The following ABCA13 variants were observed in gnomAD, a reference collection of about 807,000 sequenced individuals.
ABCA13 encodes ATP binding cassette subfamily A member 13, also known as ATP-binding cassette sub-family A member 13.
In ABCA13, 476 loss-of-function variants were observed where a neutral mutation model predicts 478.7. That is an observed-to-expected ratio of 0.99 (90% CI 0.92 to 1.07). The LOEUF (loss-of-function observed/expected upper bound fraction) is 1.07, where lower values mean the gene tolerates loss of function less well. ABCA13 is among the 50% of genes least tolerant of loss of function. The pLI is 0.00. For missense variants in ABCA13, 6,060 were observed against 5,910.6 expected, an observed-to-expected ratio of 1.03 and a Z score of -0.83; for synonymous variants, 2,252 against 2,158.9, an observed-to-expected ratio of 1.04 and a Z score of -1.20.
At chr7:48,493,324 T>C (rs1830004211) in intron 48 of ABCA13, among the ~76,000 whole-genome samples, 1 of 152,186 alleles carries the variant, frequency 6.6e-6, no homozygotes, top group African/African-American at 2.4e-5. Context: ...CAGCAAAATA[T>C]GTACTTGCTT....
intron 54 of ABCA13, among the ~76,000 whole-genome samples, chr7:48,527,611 C>T (rs1832967720): frequency 6.6e-6 from 1 of 152,160 alleles, no homozygotes; most frequent in Non-Finnish European, 1.5e-5. Context: ...TGATCAAGAA[C>T]TGAGTTGACT....
chr7:48,482,790 T>C (rs1351356088), intron 46 of ABCA13, among the ~76,000 whole-genome samples: 4 of 152,198 alleles, frequency 2.6e-5, no homozygotes, highest in Admixed American at 6.5e-5. Context: ...ATGGCATGTA[T>C]TTCCTAACAA....
At chr7:48,328,524 C>T (rs1264053367) in intron 27 of ABCA13, among the ~76,000 whole-genome samples, 1 of 152,150 alleles carries the variant, frequency 6.6e-6, no homozygotes, top group East Asian at 1.9e-4. Flanking sequence ...ATCAGTAGAA[C>T]TGTGAATGTA....
chr7:48,179,069 A>C (rs1033633211), intron 1 of ABCA13, among the ~76,000 whole-genome samples: 1 of 151,612 alleles, frequency 6.6e-6, no homozygotes, highest in Admixed American at 6.6e-5. Context: ...CTTACTTGTG[A>C]ATGCAGGTCT....
At chr7:48,429,111 G>A (rs547623054) in intron 42 of ABCA13, among the ~76,000 whole-genome samples, 2 of 152,250 alleles carry the variant, frequency 1.3e-5, no homozygotes, top group African/African-American at 4.8e-5. Flanking sequence ...ATGTTACAGC[G>A]TGCCAGTACT....
At chr7:48,186,815 G>C (rs1010425495) in intron 1 of ABCA13, among the ~76,000 whole-genome samples, 1 of 151,872 alleles carries the variant, frequency 6.6e-6, no homozygotes, top group East Asian at 1.9e-4. Flanking sequence ...TAGCAGGAAT[G>C]CCCCTGTCGT....
intron 39 of ABCA13, among the ~76,000 whole-genome samples, chr7:48,408,602 T>C (rs1818577053): frequency 2.0e-5 from 3 of 152,228 alleles, no homozygotes; most frequent in African/African-American, 7.2e-5. Context: ...GTCTTAGTCT[T>C]TTAAGGTGTC....
Position 48,275,424 on chromosome 7 carries a change from T to A in ABCA13, c.5758T>A (p.Phe1920Ile). 6.2e-7 allele frequency: 1 copy of A among 1,613,886 alleles called. No homozygotes were observed. Among genetic ancestry groups the A allele is most frequent in the Non-Finnish European group, 8.5e-7 (1 of 1,179,858 alleles). ...TTCTCTTGTGAAAACTGTGCAGAAA[T>A]TTTGGCATAAGATATTACCGTTTGT... Reference protein sequence around the residue: ...NISLVKTVQKFWHKILPFVPP... With the variant: ...NISLVKTVQKIWHKILPFVPP... Residue 1920 changes from phenylalanine to isoleucine, a missense_variant, in exon 17 of 62, where the codon TTT (phenylalanine) becomes ATT (isoleucine). Phe to Ile is a conservative substitution (Grantham distance 21). Coordinates refer to ENST00000435803, the MANE Select transcript of ABCA13 (RefSeq NM_152701.5).
At chr7:48,573,743 A>G (rs1787899356) in intron 55 of ABCA13, among the ~76,000 whole-genome samples, 1 of 152,084 alleles carries the variant, frequency 6.6e-6, no homozygotes, top group South Asian at 2.1e-4. Flanking sequence ...CAAAGCAACA[A>G]CAACAAGAAC....
At chr7:48,280,950 C>A (rs78973229) in intron 18 of ABCA13, among the ~76,000 whole-genome samples, 3,323 of 152,254 alleles carry the variant, frequency 0.022, 126 homozygotes, top group African/African-American at 0.076. Context: ...GTCCTGGCAA[C>A]CCCATTCTCC....
At chr7:48,243,355 CTCAGTGTAA>C (rs2129017338) in intron 10 of ABCA13, among the ~76,000 whole-genome samples, 2 of 152,368 alleles carry the variant, frequency 1.3e-5, no homozygotes, top group East Asian at 3.9e-4. Context: ...CTGCTTCCTT[CTCAGTGTAA>C]TCCAAAGAGT....
At chr7:48,317,332 C>T (rs755564406) in intron 27 of ABCA13, 36 bp downstream of exon 27, 1 of 1,579,374 alleles carries the variant, frequency 6.3e-7, no homozygotes, top group Non-Finnish European at 8.6e-7. Context: ...ATAGACCATA[C>T]ATACACTAAA....
intron 31 of ABCA13, among the ~76,000 whole-genome samples, chr7:48,358,189 GACA>G (rs1810245248): frequency 7.6e-6 from 1 of 131,486 alleles, no homozygotes; most frequent in Admixed American, 8.4e-5. Flanking sequence ...GACAGGACAG[GACA>G]GGACAGGAAA....
chr7:48,553,025 A>T (rs1785475249), intron 55 of ABCA13, among the ~76,000 whole-genome samples: 1 of 151,936 alleles, frequency 6.6e-6, no homozygotes. Context: ...CCATGAATTC[A>T]ATTGTTTTAA....
intron 45 of ABCA13, among the ~76,000 whole-genome samples, chr7:48,473,445 T>A (rs1563315799): frequency 6.6e-6 from 1 of 152,186 alleles, no homozygotes; most frequent in Non-Finnish European, 1.5e-5. Flanking sequence ...CCATCTATGT[T>A]TGCAGCCCGA....
At chr7:48,513,406 G>A (rs1375031432) in intron 51 of ABCA13, among the ~76,000 whole-genome samples, 1 of 152,162 alleles carries the variant, frequency 6.6e-6, no homozygotes, top group Admixed American at 6.5e-5. Context: ...CTATAAAAGG[G>A]AGAGTCAGGG....
chr7:48,488,745 T>C (rs1829572314), intron 47 of ABCA13, among the ~76,000 whole-genome samples: 1 of 152,228 alleles, frequency 6.6e-6, no homozygotes. Flanking sequence ...CTTTCTCTTA[T>C]TTTCACCTTT....
intron 41 of ABCA13, among the ~76,000 whole-genome samples, chr7:48,422,029 C>A (rs1349567436): frequency 8.9e-6 from 1 of 112,426 alleles, no homozygotes; most frequent in African/African-American, 3.4e-5. Context: ...CTGTTGGCCC[C>A]AAACCCTAAT....
chr7:48,288,139 A>G, intron 20 of ABCA13, 61 bp downstream of exon 20: 1 of 1,442,100 alleles, frequency 6.9e-7, no homozygotes, highest in Middle Eastern at 1.7e-4. Context: ...CTTGCAAGGC[A>G]GTCCAGTTAT....
Sources: allele counts gnomAD v4.1 joint callset (sites outside exome capture counted in the v4.1 genomes callset), GRCh38; gene constraint gnomAD v4.1.1; transcripts MANE v1.5; gene names NCBI Gene and HGNC (gene_info 2026-07-23, HGNC 2026-07-21).